CTNND2: variants seen among roughly 807,000 people sequenced by gnomAD.
CTNND2 encodes the protein catenin delta 2, also known as catenin delta-2.
Under a neutral mutation model 144.4 loss-of-function variants are expected in CTNND2, and 22 were observed. That is an observed-to-expected ratio of 0.15 (90% CI 0.11 to 0.22). The LOEUF (loss-of-function observed/expected upper bound fraction) is 0.22, where lower values mean the gene tolerates loss of function less well. Among genes scored for constraint, CTNND2 ranks in the 10% least tolerant of loss-of-function variants. The pLI, the probability that CTNND2 is intolerant of heterozygous loss-of-function variation, is 1.00. For synonymous variants in CTNND2, 751 were observed against 695.6 expected (o/e 1.08, Z -1.25); for missense variants, 1,353 against 1,618.8 (o/e 0.84, Z 2.82).
intron 10 of CTNND2, among the ~76,000 whole-genome samples, chr5:11,227,679 G>A (rs1173087797): frequency 1.3e-5 from 2 of 151,898 alleles, no homozygotes; most frequent in Non-Finnish European, 2.9e-5. Context: ...TAAATTTGTT[G>A]GAATAAAAAG....
chr5:11,692,059 A>G (rs142823894), intron 2 of CTNND2, among the ~76,000 whole-genome samples: 335 of 152,354 alleles, frequency 2.2e-3, no homozygotes, highest in Non-Finnish European at 3.5e-3. Context: ...GGTTTAAAAA[A>G]AAGTTTTCCT....
intron 2 of CTNND2, among the ~76,000 whole-genome samples, chr5:11,718,583 C>G (rs1389430561): frequency 6.6e-6 from 1 of 151,664 alleles, no homozygotes; most frequent in Non-Finnish European, 1.5e-5. Context: ...ACAAAAATGA[C>G]CTGATTATCA....
chr5:11,000,413 C>T (rs557272088), intron 18 of CTNND2, among the ~76,000 whole-genome samples: 7 of 152,126 alleles, frequency 4.6e-5, no homozygotes, highest in African/African-American at 7.2e-5. Flanking sequence ...CCCAGCTACT[C>T]GGGAGGCTGA....
At position 10,992,684 on chromosome 5, in the gene CTNND2, AAC is replaced by A. The variant is rs1279924331; in HGVS notation, c.3085-9_3085-8del. 2 of 1,613,418 alleles carry A rather than the reference AAC, an allele frequency of 1.2e-6. No homozygotes were observed. Among genetic ancestry groups the A allele is most frequent in the Non-Finnish European group, 1.7e-6 (2 of 1,179,804 alleles). ...GGTATTGTGACCATCCATCCTGCAA[AAC>A]ACAGCACGCTCCTGTTAGATGGGCA... is the stretch of plus-strand genomic sequence containing the variant. On this transcript the variant is annotated splice_polypyrimidine_tract_variant and splice_region_variant and intron_variant, in intron 18 of 21. Coordinates refer to ENST00000304623, the MANE Select transcript of CTNND2 (RefSeq NM_001332.4).
intron 2 of CTNND2, among the ~76,000 whole-genome samples, chr5:11,600,705 C>CCA (rs1554092489): frequency 3.1e-4 from 25 of 80,594 alleles, no homozygotes; most frequent in African/African-American, 1.2e-3. Context: ...GATTCTGTCT[C>CCA]AAAAAAAAAA....
intron 2 of CTNND2, among the ~76,000 whole-genome samples, chr5:11,663,195 A>T (rs1783370524): frequency 6.6e-6 from 1 of 152,214 alleles, no homozygotes; most frequent in African/African-American, 2.4e-5. Flanking sequence ...CATCATAAAA[A>T]ATGTGTCTGC....
rs1277684727 is a variant in CTNND2, at chr5:11,384,624, C to G, written c.1177+41G>C. The stretch of plus-strand genomic sequence containing the variant: ...GGCTGCTGCTTCCGCGTCCCCGCCA[C>G]GCGCCCAGGTGAGTCGCGCCAGGTG... On this transcript the variant is annotated intron_variant, in intron 7 of 21. Transcript: ENST00000304623. The surrounding 1 kb of genome is among the most constrained non-coding windows in gnomAD (Gnocchi z 5.2). The G allele has an allele frequency of 1.2e-5, 19 of 1,546,530 alleles. No individual in the cohort carries two copies. Among genetic ancestry groups the G allele is most frequent in the East Asian group, 2.3e-5 (1 of 42,954 alleles).
intron 3 of CTNND2, among the ~76,000 whole-genome samples, chr5:11,472,635 A>G (rs943508234): frequency 6.6e-6 from 1 of 152,204 alleles, no homozygotes; most frequent in Non-Finnish European, 1.5e-5. Flanking sequence ...AACTTCTAAG[A>G]ATGTTATAGT....
rs765803206 is a variant in CTNND2 at position 11,530,377 on chromosome 5, C to T, written c.287+34567G>A. ...CAATTTGGCCTCATGATCAAGTATT[C>T]GTTACCCAGCAAATGCAAAAGGTCT... On this transcript the variant is annotated intron_variant, in intron 3 of 21. Coordinates refer to ENST00000304623, the MANE Select transcript of CTNND2 (RefSeq NM_001332.4). 3.3e-5 allele frequency among the ~76,000 whole-genome samples: 5 copies of T among 152,138 alleles called. No homozygotes were observed. In the South Asian group the frequency reaches 8.3e-4, roughly 25 times the overall value.
intron 3 of CTNND2, among the ~76,000 whole-genome samples, chr5:11,474,435 G>A (rs1270801694): frequency 6.6e-6 from 1 of 152,148 alleles, no homozygotes; most frequent in Non-Finnish European, 1.5e-5. Flanking sequence ...GTTTAAAAAT[G>A]ATATTATGAG....
At chr5:11,139,133 G>A (rs1416464072) in intron 12 of CTNND2, among the ~76,000 whole-genome samples, 1 of 152,116 alleles carries the variant, frequency 6.6e-6, no homozygotes, top group African/African-American at 2.4e-5. Flanking sequence ...GCTAATTTTT[G>A]TATTTTTACT....
At chr5:11,030,237 C>T (rs1743297105) in intron 16 of CTNND2, among the ~76,000 whole-genome samples, 1 of 152,096 alleles carries the variant, frequency 6.6e-6, no homozygotes, top group South Asian at 2.1e-4. Context: ...TTGAGCTTAT[C>T]CTATTTGAAT....
chr5:11,735,697 G>A (rs1164260107), intron 1 of CTNND2, among the ~76,000 whole-genome samples: 2 of 152,156 alleles, frequency 1.3e-5, no homozygotes, highest in Admixed American at 6.5e-5. Flanking sequence ...ATGGTTTTAG[G>A]AAGGGCAGTT....
chr5:11,222,070 C>T (rs2149867786), intron 10 of CTNND2, among the ~76,000 whole-genome samples: 1 of 152,318 alleles, frequency 6.6e-6, no homozygotes, highest in African/African-American at 2.4e-5. Context: ...CCGGCTCCTT[C>T]ACCTGTGATG....
intron 3 of CTNND2, among the ~76,000 whole-genome samples, chr5:11,515,899 A>G (rs1772120945): frequency 6.6e-6 from 1 of 152,156 alleles, no homozygotes. Context: ...CAGGAGTTCG[A>G]AACCAGCCTG....
At chr5:11,098,463 A>G in intron 15 of CTNND2, 112 bp downstream of exon 15, 1 of 983,418 alleles carries the variant, frequency 1.0e-6, no homozygotes, top group African/African-American at 1.6e-5. Flanking sequence ...TTTTTCTCTA[A>G]CATCCTAGAA....
chr5:11,815,396 G>T (rs964923024), intron 1 of CTNND2, among the ~76,000 whole-genome samples: 1 of 152,160 alleles, frequency 6.6e-6, no homozygotes, highest in South Asian at 2.1e-4. Context: ...AAGCTTATGT[G>T]AAAGATGTCA....
intron 3 of CTNND2, among the ~76,000 whole-genome samples, chr5:11,547,098 G>A (rs750536682): frequency 6.4e-4 from 98 of 151,972 alleles, no homozygotes; most frequent in African/African-American, 2.0e-3. Context: ...GTGAAATCCC[G>A]TCTCTACTAA....
intron 1 of CTNND2, among the ~76,000 whole-genome samples, chr5:11,858,635 A>G (rs373567943): frequency 2.0e-5 from 3 of 152,360 alleles, no homozygotes; most frequent in African/African-American, 7.2e-5. Flanking sequence ...AACAATAAGA[A>G]TAAGTAAGAA....
Sources: allele counts gnomAD v4.1 joint callset (sites outside exome capture counted in the v4.1 genomes callset), GRCh38; gene constraint gnomAD v4.1.1; non-coding constraint Gnocchi (gnomAD v3.1); transcripts MANE v1.5; gene names NCBI Gene and HGNC (gene_info 2026-07-23, HGNC 2026-07-21).